CBLB: variants seen among roughly 807,000 people sequenced by gnomAD.
CBLB encodes the protein E3 ubiquitin-protein ligase CBL-B.
CBLB carries 31 observed loss-of-function variants against 104.9 expected under a neutral mutation model. The ratio of observed to expected loss-of-function variants is 0.30; its 90% CI spans 0.22 to 0.40. The LOEUF (loss-of-function observed/expected upper bound fraction) is 0.40. Among genes scored for constraint, CBLB ranks in the 10% least tolerant of loss-of-function variants. The pLI, the probability that CBLB is intolerant of heterozygous loss-of-function variation, is 1.00. For missense variants in CBLB, 1,062 were observed against 1,214.6 expected (o/e 0.87, Z 1.87); for synonymous variants, 440 against 422.6 (o/e 1.04, Z -0.51).
rs181651001 is a variant in CBLB at position 105,659,344 on chromosome 3, C to T, written c.2690-115G>A. 1.3e-4 allele frequency: 152 copies of T among 1,158,374 alleles called. 1 individual carries two copies. In the East Asian group the frequency reaches 2.9e-3, roughly 22 times the overall value. 71.8% of individuals were successfully genotyped at this position (1,158,374 alleles called of 1,614,324 possible). A position where few individuals can be genotyped will look rare whatever the true frequency, so the allele number is the denominator to read the frequency against. On this transcript the variant is annotated intron_variant, in intron 18 of 18. Coordinates refer to ENST00000394030, the MANE Select transcript of CBLB (RefSeq NM_170662.5). The stretch of plus-strand genomic sequence containing the variant: ...GAAATATTATTTCTTGTTTTCTTTA[C>T]AAATAAACTTTTTTTCAATTTTTCC...
intron 2 of CBLB, among the ~76,000 whole-genome samples, chr3:105,866,830 G>A (rs889418980): frequency 2.0e-5 from 3 of 152,118 alleles, no homozygotes; most frequent in African/African-American, 4.8e-5. Context: ...ATGTGCCATC[G>A]AAAGGTTTCC....
At chr3:105,791,872 T>C (rs995210214) in intron 3 of CBLB, among the ~76,000 whole-genome samples, 8 of 152,234 alleles carry the variant, frequency 5.3e-5, no homozygotes, top group Non-Finnish European at 1.0e-4. Flanking sequence ...TTAATATCTA[T>C]TTTTATCACG....
chr3:105,662,428 A>G (rs1465885193), intron 18 of CBLB, among the ~76,000 whole-genome samples: 1 of 152,192 alleles, frequency 6.6e-6, no homozygotes, highest in Non-Finnish European at 1.5e-5. Flanking sequence ...ATCATCCTTA[A>G]AAATAGTTAT....
chr3:105,808,989 C>T (rs142513834), intron 3 of CBLB, among the ~76,000 whole-genome samples: 1 of 152,114 alleles, frequency 6.6e-6, no homozygotes, highest in African/African-American at 2.4e-5. Context: ...GACAAAATAA[C>T]CCACCATTTA....
At chr3:105,769,131 T>C (rs2078566417) in intron 4 of CBLB, among the ~76,000 whole-genome samples, 1 of 151,816 alleles carries the variant, frequency 6.6e-6, no homozygotes, top group African/African-American at 2.4e-5. Context: ...CTGGCCAACA[T>C]GGAGAAACTC....
intron 10 of CBLB, among the ~76,000 whole-genome samples, chr3:105,709,353 A>G (rs1347209456): frequency 6.6e-6 from 1 of 151,850 alleles, no homozygotes; most frequent in Non-Finnish European, 1.5e-5. Flanking sequence ...AATACGTTTT[A>G]CTGGTTTTGG....
intron 3 of CBLB, among the ~76,000 whole-genome samples, chr3:105,839,835 G>A (rs1046152967): frequency 6.6e-6 from 1 of 152,174 alleles, no homozygotes; most frequent in African/African-American, 2.4e-5. Flanking sequence ...AGTTTCAGTT[G>A]CTTTATCAAA....
chr3:105,746,400 G>A (rs575312169), intron 5 of CBLB, among the ~76,000 whole-genome samples: 1 of 152,236 alleles, frequency 6.6e-6, no homozygotes, highest in Admixed American at 6.5e-5. Flanking sequence ...AAAAGTCAAA[G>A]TCCTCATATA....
chr3:105,733,985 C>T, intron 9 of CBLB, 24 bp downstream of exon 9: 1 of 1,609,782 alleles, frequency 6.2e-7, no homozygotes, highest in African/African-American at 1.3e-5. Context: ...ATAAGAAAGA[C>T]ATCCATGTTG....
At chr3:105,848,953 A>G (rs940603252) in intron 3 of CBLB, among the ~76,000 whole-genome samples, 2 of 152,096 alleles carry the variant, frequency 1.3e-5, no homozygotes, top group Non-Finnish European at 2.9e-5. Flanking sequence ...TTCATGGGAG[A>G]CTTTTAGGTT....
At chr3:105,741,102 T>TTTG (rs1553758277) in intron 6 of CBLB, among the ~76,000 whole-genome samples, 1 of 145,362 alleles carries the variant, frequency 6.9e-6, no homozygotes, top group Non-Finnish European at 1.5e-5. Flanking sequence ...AGGGTTTTTT[T>TTTG]TTTTTTTTTT....
In CBLB at chr3:105,685,349, A is replaced by G. The variant is rs775056339; in HGVS notation, c.2172T>C (p.Ser724=). 2.5e-6 allele frequency: 4 copies of G among 1,613,770 alleles called. No individual in the cohort carries two copies. The highest frequency in any genetic ancestry group is 2.7e-5 in the African/African-American group (2 of 74,912). The change falls in exon 14 of 19, where the codon TCT becomes TCC. Residue 724 remains serine, a synonymous_variant. Transcript: ENST00000394030. ...SHPVSLNSQP[S]HCHNVKPPVR... The stretch of plus-strand genomic sequence containing the variant: ...CAGGAGGTTTTACATTATGACAATG[A>G]GATGGTTGTGAATTCAGGGAAACAG...
At chr3:105,712,975 G>A (rs556665743) in intron 10 of CBLB, among the ~76,000 whole-genome samples, 5 of 151,980 alleles carry the variant, frequency 3.3e-5, no homozygotes, top group African/African-American at 1.2e-4. Context: ...AATAACACTA[G>A]TATAAAAAAT....
chr3:105,801,699 T>C (rs1368125331), intron 3 of CBLB, among the ~76,000 whole-genome samples: 3 of 152,260 alleles, frequency 2.0e-5, no homozygotes, highest in Non-Finnish European at 2.9e-5. Context: ...TTGCAATCTG[T>C]TGTTGTTGCT....
At chr3:105,827,458 TC>T (rs895908958) in intron 3 of CBLB, among the ~76,000 whole-genome samples, 3 of 151,884 alleles carry the variant, frequency 2.0e-5, no homozygotes, top group African/African-American at 7.3e-5. Flanking sequence ...ACTCATAAAC[TC>T]CCCAAGCAAG....
rs1312894900 is a variant in CBLB, at chr3:105,751,497, C to T, written c.688G>A (p.Val230Ile). 3.7e-6 allele frequency: 6 copies of T among 1,611,386 alleles called. No individual in the cohort carries two copies. Among genetic ancestry groups the T allele is most frequent in the Non-Finnish European group, 5.1e-6 (6 of 1,177,792 alleles). ...IDLTCNDYIS[V>I]FEFDIFTRLF... ...CTGGTAAAAATATCAAATTCAAAAA[C>T]TGAAATGTAATCATTGCAAGTTAAA... Residue 230 changes from valine (V) to isoleucine (I), a missense_variant, in exon 5 of 19, where the codon GTT (valine) becomes ATT (isoleucine). This residue lies in a region of CBLB where 457 missense variants were observed against 632.0 expected (regional missense o/e 0.72). Coordinates refer to ENST00000394030, the MANE Select transcript of CBLB (RefSeq NM_170662.5).
chr3:105,715,903 G>A (rs1453486203), intron 10 of CBLB, among the ~76,000 whole-genome samples: 1 of 152,106 alleles, frequency 6.6e-6, no homozygotes, highest in Non-Finnish European at 1.5e-5. Flanking sequence ...GCCAGGCGTG[G>A]TGGCAGGCGT....
chr3:105,826,649 A>C (rs2086623120), intron 3 of CBLB, among the ~76,000 whole-genome samples: 1 of 152,134 alleles, frequency 6.6e-6, no homozygotes, highest in Admixed American at 6.6e-5. Context: ...AAAGACTTAC[A>C]CTGACATCTA....
Position 105,720,120 on chromosome 3 carries a change from G to C in CBLB, c.1334C>G (p.Pro445Arg). 6.2e-7 allele frequency: 1 copy of C among 1,613,874 alleles called. No individual in the cohort carries two copies. Among genetic ancestry groups the C allele is most frequent in the Non-Finnish European group, 8.5e-7 (1 of 1,179,924 alleles). Residue 445 changes from proline (P) to arginine (R), a missense_variant, in exon 10 of 19, where the codon CCG becomes CGG. Pro to Arg is a moderately radical substitution (Grantham distance 103). Around this residue, in one of 2 missense-constraint regions of CBLB, gnomAD observed 457 missense variants for 632.0 expected, o/e 0.72. Coordinates refer to ENST00000394030, the MANE Select transcript of CBLB (RefSeq NM_170662.5). ...CCSIIDPFGM[P>R]MLDLDDDDDR... is the part of the protein sequence containing the mutation. ...ATCATCGTCGTCCAAGTCTAGCATC[G>C]GCATGCCAAAGGGGTCAATGATGCT...
Sources: gnomAD v4.1 joint callset for allele counts (sites outside exome capture counted in the v4.1 genomes callset) on GRCh38, gnomAD v4.1.1 for gene constraint, gnomAD v4.1.1 regional missense constraint, MANE v1.5 for transcripts, NCBI Gene and HGNC (gene_info 2026-07-23, HGNC 2026-07-21) for gene names.